BICD1: variants seen among roughly 807,000 people sequenced by gnomAD.
BICD1 encodes the protein protein bicaudal D homolog 1.
Under a neutral mutation model 92.5 loss-of-function variants are expected in BICD1, and 35 were observed. The ratio of observed to expected loss-of-function variants is 0.38; its 90% CI spans 0.29 to 0.50. BICD1 has a LOEUF of 0.50. BICD1 is among the 20% of genes least tolerant of loss of function. BICD1 has a pLI of 0.93. For synonymous variants in BICD1, 429 were observed against 465.1 expected, an observed-to-expected ratio of 0.92 and a Z score of 1.00; for missense variants, 950 against 1,189.8, an observed-to-expected ratio of 0.80 and a Z score of 2.97.
chr12:32,365,207 A>T (rs1363389901), intron 8 of BICD1, among the ~76,000 whole-genome samples: 1 of 152,254 alleles, frequency 6.6e-6, no homozygotes, highest in African/African-American at 2.4e-5. Flanking sequence ...ATTGCACTCC[A>T]GCCTGGGCAA....
At chr12:32,300,601 A>G (rs888719987) in intron 3 of BICD1, among the ~76,000 whole-genome samples, 1 of 150,874 alleles carries the variant, frequency 6.6e-6, no homozygotes, top group African/African-American at 2.4e-5. Context: ...AAAGAAAAGG[A>G]AAGGGTTGAG....
chr12:32,361,180 C>T (rs1401533841), intron 8 of BICD1, among the ~76,000 whole-genome samples: 4 of 152,192 alleles, frequency 2.6e-5, no homozygotes, highest in Non-Finnish European at 1.5e-5. Flanking sequence ...CTTATCACCT[C>T]ATTTTTAGAA....
chr12:32,349,216 A>T (rs1021213447), intron 8 of BICD1, among the ~76,000 whole-genome samples: 1 of 152,044 alleles, frequency 6.6e-6, no homozygotes, highest in African/African-American at 2.4e-5. Flanking sequence ...ATTTAATCCA[A>T]TCTGCTGGCA....
chr12:32,255,157 C>T (rs1946681013), intron 2 of BICD1, among the ~76,000 whole-genome samples: 1 of 152,140 alleles, frequency 6.6e-6, no homozygotes, highest in African/African-American at 2.4e-5. Context: ...GACTTTTCCT[C>T]TGTGCTTGCA....
At chr12:32,211,358 TA>T (rs1945209390) in intron 1 of BICD1, among the ~76,000 whole-genome samples, 1 of 152,260 alleles carries the variant, frequency 6.6e-6, no homozygotes, top group Admixed American at 6.5e-5. Context: ...GAAACTGGAA[TA>T]AATATGAATG....
chr12:32,203,752 A>G (rs1179830684), intron 1 of BICD1, among the ~76,000 whole-genome samples: 4 of 152,094 alleles, frequency 2.6e-5, no homozygotes, highest in African/African-American at 9.7e-5. Flanking sequence ...GAAGCCCTAT[A>G]TCTCATTTGC....
chr12:32,181,900 G>A (rs1197151662), intron 1 of BICD1, among the ~76,000 whole-genome samples: 2 of 151,968 alleles, frequency 1.3e-5, no homozygotes, highest in Admixed American at 1.3e-4. Flanking sequence ...AGATTGCAGG[G>A]AAAGAAGCAG....
chr12:32,118,486 A>C (rs921331384), intron 1 of BICD1, among the ~76,000 whole-genome samples: 1 of 152,210 alleles, frequency 6.6e-6, no homozygotes, highest in Admixed American at 6.5e-5. Context: ...TTTGGAAAAA[A>C]AATTGCATCG....
chr12:32,266,719 G>C (rs936880237), intron 2 of BICD1, among the ~76,000 whole-genome samples: 1 of 152,056 alleles, frequency 6.6e-6, no homozygotes, highest in Non-Finnish European at 1.5e-5. Context: ...ATAGCCAGGC[G>C]TGGTGGTGCA....
intron 1 of BICD1, among the ~76,000 whole-genome samples, chr12:32,131,115 G>A (rs1193930470): frequency 6.6e-6 from 1 of 152,134 alleles, no homozygotes; most frequent in Non-Finnish European, 1.5e-5. Context: ...GATTACAGGT[G>A]TGAGTCACCA....
chr12:32,172,926 A>G (rs1490467543), intron 1 of BICD1, among the ~76,000 whole-genome samples: 8 of 152,226 alleles, frequency 5.3e-5, no homozygotes, highest in Non-Finnish European at 1.2e-4. Flanking sequence ...TTAAACCAGC[A>G]TCACCAGGTT....
chr12:32,362,953 C>T (rs1008007976), intron 8 of BICD1, among the ~76,000 whole-genome samples: 2 of 152,106 alleles, frequency 1.3e-5, no homozygotes, highest in African/African-American at 4.8e-5. Flanking sequence ...GCAAGCCTGT[C>T]GACCCAGCTA....
chr12:32,189,834 G>A (rs1944516766), intron 1 of BICD1, among the ~76,000 whole-genome samples: 1 of 151,904 alleles, frequency 6.6e-6, no homozygotes, highest in African/African-American at 2.4e-5. Context: ...GAGTAGCTGG[G>A]ACTACAGGCA....
At chr12:32,231,976 C>T (rs1405579073) in intron 2 of BICD1, among the ~76,000 whole-genome samples, 1 of 150,920 alleles carries the variant, frequency 6.6e-6, no homozygotes, top group African/African-American at 2.4e-5. Flanking sequence ...TTTTCTTAAT[C>T]CAGTCTATCA....
intron 8 of BICD1, among the ~76,000 whole-genome samples, chr12:32,348,764 A>G (rs1476578065): frequency 2.0e-4 from 6 of 30,158 alleles, no homozygotes; most frequent in African/African-American, 8.0e-4. Context: ...ATATATATAT[A>G]TATATATATA....
At chr12:32,364,973 C>CA (rs1348078068) in intron 8 of BICD1, among the ~76,000 whole-genome samples, 1 of 152,160 alleles carries the variant, frequency 6.6e-6, no homozygotes, top group Non-Finnish European at 1.5e-5. Flanking sequence ...CAGTGGCTCA[C>CA]ACCTGTAATC....
At chr12:32,334,689 G>T in intron 6 of BICD1, 22 bp downstream of exon 6, 1 of 1,599,182 alleles carries the variant, frequency 6.3e-7, no homozygotes, top group South Asian at 1.1e-5. Flanking sequence ...TTCTTCCTAT[G>T]ACTGGGTGTG....
intron 1 of BICD1, among the ~76,000 whole-genome samples, chr12:32,186,001 C>T (rs762406333): frequency 1.3e-5 from 2 of 152,162 alleles, no homozygotes; most frequent in Non-Finnish European, 2.9e-5. Context: ...AGCTCACAAA[C>T]GTGGCAAAAT....
At chr12:32,304,068 C>T (rs1475640462) in intron 3 of BICD1, among the ~76,000 whole-genome samples, 4 of 145,886 alleles carry the variant, frequency 2.7e-5, no homozygotes, top group East Asian at 1.9e-4. Flanking sequence ...AGCGAGACTC[C>T]GTCTCAAAAA....
Sources: allele counts gnomAD v4.1 joint callset (sites outside exome capture counted in the v4.1 genomes callset), GRCh38; gene constraint gnomAD v4.1.1; transcripts MANE v1.5; gene names NCBI Gene and HGNC (gene_info 2026-07-23, HGNC 2026-07-21).